CELSR1: variants seen among roughly 807,000 people sequenced by gnomAD.
CELSR1 encodes the protein adhesion G protein-coupled receptor C1.
Under a neutral mutation model 249.1 loss-of-function variants are expected in CELSR1, and 110 were observed. That is an observed-to-expected ratio of 0.44 (90% CI 0.38 to 0.52). The LOEUF (loss-of-function observed/expected upper bound fraction) is 0.52. Among genes scored for constraint, CELSR1 ranks in the 20% least tolerant of loss-of-function variants. The pLI is 0.00. For synonymous variants in CELSR1, 2,113 were observed against 1,900.0 expected (o/e 1.11, Z -2.92); for missense variants, 4,109 against 4,296.4 (o/e 0.96, Z 1.22).
intron 9 of CELSR1, among the ~76,000 whole-genome samples, chr22:46,404,724 G>A (rs1474350958): frequency 6.6e-6 from 1 of 152,178 alleles, no homozygotes; most frequent in East Asian, 1.9e-4. Flanking sequence ...CCTGACCTCA[G>A]GTGATCCACC....
intron 1 of CELSR1, chr22:46,481,243 A>AG (rs1171074322): frequency 7.2e-5 from 8 of 111,306 alleles, no homozygotes; most frequent in Non-Finnish European, 1.1e-4. Flanking sequence ...ACCATGTCTC[A>AG]AAAAAAAAAA....
chr22:46,370,349 C>T (rs1052111094), intron 25 of CELSR1: 1 of 339,058 alleles, frequency 2.9e-6, no homozygotes, highest in Admixed American at 4.0e-5. Context: ...TGCAGACACA[C>T]ATACCGTGTG....
Position 46,364,589 on chromosome 22 carries a change from C to T in CELSR1, c.8702G>A (p.Arg2901His), listed in dbSNP as rs757250011. 9 of 1,612,498 alleles carry T rather than the reference C, an allele frequency of 5.6e-6. No homozygotes were observed. The highest frequency in any genetic ancestry group is 3.3e-5 in the Admixed American group (2 of 59,994). ...CTCCTGGTCCGGGGGGTACTCTCCACGGTGACTGCCCTGCTCCTCGCGGTG... is the reference window on the plus strand; with the variant it reads ...CTCCTGGTCCGGGGGGTACTCTCCATGGTGACTGCCCTGCTCCTCGCGGTG... ...ELHREEQGSH[R>H]GEYPPDQESG... is the part of the protein sequence containing the mutation. The change falls in exon 33 of 35, where the codon CGT becomes CAT. Residue 2901 changes from arginine (R) to histidine (H), a missense_variant. Arg to His is a conservative substitution (Grantham distance 29). Transcript: ENST00000674500.
In CELSR1 at chr22:46,391,099, A is replaced by G; in HGVS notation, c.6250+87T>C. The G allele has an allele frequency of 9.0e-7, 1 of 1,106,428 alleles. No homozygotes were observed. Among genetic ancestry groups the G allele is most frequent in the Non-Finnish European group, 1.3e-6 (1 of 757,900 alleles). 68.5% of individuals were successfully genotyped at this position (1,106,428 alleles called of 1,614,324 possible). ...GCCTGCGGATATTTTTTCAACACGAAACATTCCATGAGTCCCCACATCTCG... is the reference window on the plus strand; with the variant it reads ...GCCTGCGGATATTTTTTCAACACGAGACATTCCATGAGTCCCCACATCTCG... On this transcript the variant is annotated intron_variant, in intron 16 of 34. Coordinates refer to ENST00000674500, the MANE Select transcript of CELSR1 (RefSeq NM_001378328.1). This position sits in a 1 kb window ranked among gnomAD's most constrained non-coding sequence, Gnocchi z 4.3.
At position 46,391,575 on chromosome 22, in the gene CELSR1, C is replaced by T; in HGVS notation, c.6148+58G>A. 4 of 1,496,102 alleles carry T rather than the reference C, an allele frequency of 2.7e-6. No homozygotes were observed. Among genetic ancestry groups the T allele is most frequent in the Non-Finnish European group, 3.5e-6 (4 of 1,130,062 alleles). 92.7% of individuals were successfully genotyped at this position (1,496,102 alleles called of 1,614,324 possible). On this transcript the variant is annotated intron_variant, in intron 15 of 34. Transcript: ENST00000674500. This position sits in a 1 kb window ranked among gnomAD's most constrained non-coding sequence, Gnocchi z 4.3. ...AGCGTGCATGCACACACGTGCACGC[C>T]AGTGCAGCAGCCTGTCCCCGCGCTG...
rs2147147852 is a variant in CELSR1 at position 46,363,352 on chromosome 22, T to G, written c.9036-105A>C. The stretch of plus-strand genomic sequence containing the variant: ...GGGGGGCAGGATCACCCCATCAGGG[T>G]AGAGGGGGCGTCTGGGGGCTCCAGG... On this transcript the variant is annotated intron_variant, in intron 34 of 34. Coordinates refer to ENST00000674500, the MANE Select transcript of CELSR1 (RefSeq NM_001378328.1). This position sits in a 1 kb window ranked among gnomAD's most constrained non-coding sequence, Gnocchi z 4.3. The G allele has an allele frequency of 3.2e-5, 28 of 864,360 alleles. No homozygotes were observed. The highest frequency in any genetic ancestry group is 9.3e-5 in the East Asian group (3 of 32,116). 53.5% of individuals were successfully genotyped at this position (864,360 alleles called of 1,614,324 possible). A position where few individuals can be genotyped will look rare whatever the true frequency, so the allele number is the denominator to read the frequency against.
intron 1 of CELSR1, among the ~76,000 whole-genome samples, chr22:46,511,435 T>A (rs1333081764): frequency 1.3e-5 from 2 of 152,180 alleles, no homozygotes; most frequent in African/African-American, 4.8e-5. Context: ...AAAGCATCGC[T>A]CCAAAACAGA....
chr22:46,409,964 G>C lies in CELSR1; in HGVS notation c.4934-84C>G. 1.3e-6 allele frequency: 2 copies of C among 1,564,954 alleles called. No individual in the cohort carries two copies. The highest frequency in any genetic ancestry group is 1.7e-6 in the Non-Finnish European group (2 of 1,152,354). On this transcript the variant is annotated intron_variant, in intron 7 of 34. Transcript: ENST00000674500. The surrounding 1 kb of genome is among the most constrained non-coding windows in gnomAD (Gnocchi z 9.8). ...CGCCAGACGTGGCGTGGGAAACCAG[G>C]ACGGAATGGACCCGGGGCTGGACAG... is the stretch of plus-strand genomic sequence containing the variant.
chr22:46,466,447 C>T (rs926488366), intron 1 of CELSR1, among the ~76,000 whole-genome samples: 4 of 152,208 alleles, frequency 2.6e-5, no homozygotes, highest in African/African-American at 7.2e-5. Flanking sequence ...GAGGGCACAT[C>T]GGGAAGAAGG....
Position 46,374,095 on chromosome 22 carries a change from C to T in CELSR1, c.7585-1038G>A, listed in dbSNP as rs889761239. ...AGAGCAGGAACCGAAGCAGGGAACG[C>T]AGGCTCAAGTTATGCCAGAGACAGG... On this transcript the variant is annotated intron_variant, in intron 24 of 34. Coordinates refer to ENST00000674500, the MANE Select transcript of CELSR1 (RefSeq NM_001378328.1). The surrounding 1 kb of genome is among the most constrained non-coding windows in gnomAD (Gnocchi z 4.3). 6.6e-5 allele frequency among the ~76,000 whole-genome samples: 10 copies of T among 152,218 alleles called. No homozygotes were observed. The highest frequency in any genetic ancestry group is 1.5e-4 in the Non-Finnish European group (10 of 68,036).
rs12160805 is a variant in CELSR1 at position 46,447,533 on chromosome 22, C to T, written c.4184-8122G>A. ...ACACCAAGGATAGAGTCCACCTGGG[C>T]AAACCTATTGCTGTGCTCACTCACG... On this transcript the variant is annotated intron_variant, in intron 2 of 34. Transcript: ENST00000674500. The surrounding 1 kb of genome is among the most constrained non-coding windows in gnomAD (Gnocchi z 4.7). Among the ~76,000 whole-genome samples, 3,002 of 152,258 alleles carry T rather than the reference C, an allele frequency of 0.02. 105 individuals are homozygous for T. Among genetic ancestry groups the T allele is most frequent in the African/African-American group, 0.066 (2,736 of 41,544 alleles).
intron 1 of CELSR1, among the ~76,000 whole-genome samples, chr22:46,516,852 G>A (rs1164392420): frequency 6.6e-6 from 1 of 152,234 alleles, no homozygotes; most frequent in Non-Finnish European, 1.5e-5. Context: ...CAGGAAGGCA[G>A]GCGGCCGAGG....
intron 2 of CELSR1, among the ~76,000 whole-genome samples, chr22:46,443,057 C>G (rs8135657): frequency 0.022 from 3,341 of 151,890 alleles, 119 homozygotes; most frequent in African/African-American, 0.077. Flanking sequence ...GAGATCGCAC[C>G]GCGGCACTCC....
At position 46,408,906 on chromosome 22, in the gene CELSR1, G is replaced by T; in HGVS notation, c.5226+90C>A. ...GCCGGAGGAAGGGCGAGTAGCAGGT[G>T]CCCGAGTGTGCACCAGGAAGCCCAG... On this transcript the variant is annotated intron_variant, in intron 9 of 34. Transcript: ENST00000674500. This position sits in a 1 kb window ranked among gnomAD's most constrained non-coding sequence, Gnocchi z 4.6. The T allele has an allele frequency of 1.9e-6, 2 of 1,080,470 alleles. No homozygotes were observed. Among genetic ancestry groups the T allele is most frequent in the South Asian group, 1.8e-5 (1 of 56,622 alleles). 66.9% of individuals were successfully genotyped at this position (1,080,470 alleles called of 1,614,324 possible).
Position 46,464,833 on chromosome 22 carries a change from C to G in CELSR1, c.3545-488G>C, listed in dbSNP as rs1434782552. 6.6e-6 allele frequency among the ~76,000 whole-genome samples: 1 copy of G among 152,136 alleles called. No homozygotes were observed. Among genetic ancestry groups the G allele is most frequent in the East Asian group, 1.9e-4 (1 of 5,174 alleles). ...AACAGTTCTTCCTGTCCTCGCAGCT[C>G]AGCTCAAACTCTGCAGTGCCTGGCA... On this transcript the variant is annotated intron_variant, in intron 1 of 34. Transcript: ENST00000674500. This position sits in a 1 kb window ranked among gnomAD's most constrained non-coding sequence, Gnocchi z 8.5.
In CELSR1 at chr22:46,397,732, A is replaced by G; in HGVS notation, c.5643T>C (p.Cys1881=). ...CGTCGTGGCAGCGGCTATTGGGGGG[A>G]CAGGGGCTCGAGGTACAGGGGTCGT... is the stretch of plus-strand genomic sequence containing the variant. ...DVDDPCTSSP[C]PPNSRCHDAW... is the part of the protein sequence containing the mutation. Residue 1881 remains cysteine, a synonymous_variant, in exon 12 of 35, where the codon TGT becomes TGC. Transcript: ENST00000674500. The G allele has an allele frequency of 1.9e-6, 3 of 1,588,194 alleles. No individual in the cohort carries two copies.
At chr22:46,451,823 T>C (rs567802041) in intron 2 of CELSR1, among the ~76,000 whole-genome samples, 2 of 152,286 alleles carry the variant, frequency 1.3e-5, no homozygotes, top group African/African-American at 4.8e-5. Context: ...ATGGCAAAAG[T>C]GCAATTAAGT....
chr22:46,448,925 AACGTT>A lies in CELSR1; in HGVS notation c.4184-9519_4184-9515del, dbSNP rs2079850472. Among the ~76,000 whole-genome samples, 1 of 152,152 alleles carries A rather than the reference AACGTT, an allele frequency of 6.6e-6. No individual in the cohort carries two copies. Among genetic ancestry groups the A allele is most frequent in the Non-Finnish European group, 1.5e-5 (1 of 68,040 alleles). ...CACACAGATAGGAGGCCAAGAGGGGAACGTTACAGGGTTTCTAAGAGGAAAAGGGT... is the reference window on the plus strand; with the variant it reads ...CACACAGATAGGAGGCCAAGAGGGGAACAGGGTTTCTAAGAGGAAAAGGGT... On this transcript the variant is annotated intron_variant, in intron 2 of 34. Transcript: ENST00000674500. The surrounding 1 kb of genome is among the most constrained non-coding windows in gnomAD (Gnocchi z 5.7).
rs1201865797 is a variant in CELSR1, at chr22:46,361,447, G to A, written c.*1776C>T. 6.6e-6 allele frequency: 1 copy of A among 152,280 alleles called. No homozygotes were observed. Among genetic ancestry groups the A allele is most frequent in the East Asian group, 1.9e-4 (1 of 5,190 alleles). 9.4% of individuals were successfully genotyped at this position (152,280 alleles called of 1,614,324 possible). A position where few individuals can be genotyped will look rare whatever the true frequency, so the allele number is the denominator to read the frequency against. ...AGAACAAAAAAATTACACCTCAGGG[G>A]GCAGAATCCTGTTAAAGTCATGAAA... is the stretch of plus-strand genomic sequence containing the variant. On this transcript the variant is annotated 3_prime_UTR_variant, in exon 35 of 35. Coordinates refer to ENST00000674500, the MANE Select transcript of CELSR1 (RefSeq NM_001378328.1).
Sources: gnomAD v4.1 joint callset for allele counts (sites outside exome capture counted in the v4.1 genomes callset) on GRCh38, gnomAD v4.1.1 for gene constraint, Gnocchi (gnomAD v3.1) non-coding constraint, MANE v1.5 for transcripts, NCBI Gene and HGNC (gene_info 2026-07-23, HGNC 2026-07-21) for gene names.